SUGCT: variants seen among roughly 807,000 people sequenced by gnomAD.
SUGCT encodes the protein succinyl-CoA:glutarate CoA-transferase.
SUGCT carries 41 observed loss-of-function variants against 55.0 expected under a neutral mutation model. The ratio of observed to expected loss-of-function variants is 0.74; its 90% confidence interval spans 0.58 to 0.97. The LOEUF (loss-of-function observed/expected upper bound fraction) is 0.97, where lower values mean the gene tolerates loss of function less well. Among genes scored for constraint, SUGCT ranks in the 50% least tolerant of loss-of-function variants. The pLI is 0.00. For missense variants in SUGCT, 568 were observed against 547.8 expected (o/e 1.04, Z -0.37); for synonymous variants, 187 against 200.4 (o/e 0.93, Z 0.56).
chr7:40,278,756 C>A (rs926269778), intron 8 of SUGCT, among the ~76,000 whole-genome samples: 2 of 151,582 alleles, frequency 1.3e-5, no homozygotes, highest in South Asian at 4.1e-4. Flanking sequence ...ACCTTCTTCC[C>A]TCTCCCTCCC....
intron 8 of SUGCT, among the ~76,000 whole-genome samples, chr7:40,283,588 A>G: frequency 6.6e-6 from 1 of 152,152 alleles, no homozygotes; most frequent in Non-Finnish European, 1.5e-5. Context: ...AATGTCCAAC[A>G]CTATGAATCA....
chr7:40,163,537 G>A (rs967654049), intron 1 of SUGCT, among the ~76,000 whole-genome samples: 4 of 151,562 alleles, frequency 2.6e-5, no homozygotes, highest in African/African-American at 7.3e-5. Flanking sequence ...CTGTGGAGGC[G>A]GAGGATGCAG....
chr7:40,331,844 C>A (rs1796324950), intron 9 of SUGCT, among the ~76,000 whole-genome samples: 1 of 152,172 alleles, frequency 6.6e-6, no homozygotes, highest in Non-Finnish European at 1.5e-5. Context: ...CACTGAGATT[C>A]TCAATGAAAA....
intron 12 of SUGCT, among the ~76,000 whole-genome samples, chr7:40,542,501 G>C (rs1583939762): frequency 6.6e-6 from 1 of 152,096 alleles, no homozygotes; most frequent in Non-Finnish European, 1.5e-5. Context: ...CACTAGGTAT[G>C]GATTTAATTA....
At chr7:40,792,394 G>C (rs988630063) in intron 13 of SUGCT, among the ~76,000 whole-genome samples, 4 of 152,218 alleles carry the variant, frequency 2.6e-5, no homozygotes, top group Non-Finnish European at 5.9e-5. Context: ...TGCTCACAGG[G>C]TTATTGTCAA....
chr7:40,727,261 T>C (rs928389780), intron 12 of SUGCT, among the ~76,000 whole-genome samples: 12 of 152,348 alleles, frequency 7.9e-5, no homozygotes, highest in Middle Eastern at 3.4e-3. Flanking sequence ...GAAGTTATTC[T>C]TCAGCTTATC....
chr7:40,139,542 C>G (rs528881447), intron 1 of SUGCT, among the ~76,000 whole-genome samples: 1 of 152,238 alleles, frequency 6.6e-6, no homozygotes, highest in Admixed American at 6.5e-5. Flanking sequence ...TTGAAAAATG[C>G]CTACTCATGT....
Position 40,272,087 on chromosome 7 carries a change from C to A in SUGCT, c.577-2426C>A, listed in dbSNP as rs867432370. ...TGTCTCGCTCTCTCTCTCTCTCTCT[C>A]TCTCTCTCTATATATATATATATAT... On this transcript the variant is annotated intron_variant, in intron 7 of 13. Transcript: ENST00000335693. Among the ~76,000 whole-genome samples, 56 of 108,762 alleles carry A rather than the reference C, an allele frequency of 5.1e-4. 1 individual carries two copies. In the Middle Eastern group the frequency reaches 0.015, roughly 29 times the overall value. The allele number at this position is 108,762 out of a possible 152,430, so 71.4% of individuals were successfully genotyped here.
intron 7 of SUGCT, among the ~76,000 whole-genome samples, chr7:40,242,156 C>A (rs1467529739): frequency 6.6e-6 from 1 of 151,196 alleles, no homozygotes; most frequent in Non-Finnish European, 1.5e-5. Flanking sequence ...TATGTTTTGA[C>A]AAACTCTTTT....
At chr7:40,345,952 T>C (rs959680362) in intron 9 of SUGCT, among the ~76,000 whole-genome samples, 2 of 151,772 alleles carry the variant, frequency 1.3e-5, no homozygotes, top group Non-Finnish European at 2.9e-5. Flanking sequence ...TGTTTGTTTT[T>C]GTTTTTTTTT....
rs1447606681 is a variant in SUGCT at position 40,274,622 on chromosome 7, G to A, written c.686G>A (p.Gly229Glu). The change falls in exon 8 of 14, where the codon GGA becomes GAA. Residue 229 changes from glycine to glutamate, a missense_variant. By Grantham distance (98) the Gly-to-Glu change is moderately conservative. Transcript: ENST00000335693. ...GLIQKYKTGK[G>E]LFIDCNLLSS... ...ATACAAAAATACAAAACTGGGAAAG[G>A]ACTGTTCATTGATTGTAACCTACTG... 1.2e-6 allele frequency: 2 copies of A among 1,613,670 alleles called. No individual in the cohort carries two copies. Among genetic ancestry groups the A allele is most frequent in the Non-Finnish European group, 8.5e-7 (1 of 1,179,722 alleles).
At chr7:40,592,517 A>G (rs2079706161) in intron 12 of SUGCT, among the ~76,000 whole-genome samples, 2 of 152,190 alleles carry the variant, frequency 1.3e-5, no homozygotes, top group Non-Finnish European at 2.9e-5. Context: ...GAGGTTGGAA[A>G]CTTCGTATAC....
chr7:40,219,946 T>C (rs538191406), intron 6 of SUGCT, among the ~76,000 whole-genome samples: 1 of 152,302 alleles, frequency 6.6e-6, no homozygotes, highest in East Asian at 1.9e-4. Flanking sequence ...CCCTAATTGC[T>C]GGCTGGTGTT....
intron 7 of SUGCT, among the ~76,000 whole-genome samples, chr7:40,263,413 C>A (rs1191674286): frequency 6.6e-6 from 1 of 152,126 alleles, no homozygotes; most frequent in Non-Finnish European, 1.5e-5. Context: ...TTAATCTGAA[C>A]CTGATCATGA....
At chr7:40,756,389 AT>A (rs1584392581) in intron 13 of SUGCT, among the ~76,000 whole-genome samples, 2 of 152,092 alleles carry the variant, frequency 1.3e-5, no homozygotes, top group African/African-American at 4.8e-5. Context: ...ATAACAATTT[AT>A]TTTACTTATT....
intron 1 of SUGCT, among the ~76,000 whole-genome samples, chr7:40,170,948 G>T (rs1270078151): frequency 6.6e-6 from 1 of 152,078 alleles, no homozygotes; most frequent in Non-Finnish European, 1.5e-5. Flanking sequence ...TTGCCTTTGC[G>T]CTCAGGGGTG....
chr7:40,726,542 T>A (rs1203717), intron 12 of SUGCT, among the ~76,000 whole-genome samples: 1 of 151,926 alleles, frequency 6.6e-6, no homozygotes, highest in Non-Finnish European at 1.5e-5. Flanking sequence ...CCAAGGGTCA[T>A]CTGTATTACC....
rs181094930 is a variant in SUGCT, at chr7:40,233,369, G to A, written c.485-4266G>A. Among the ~76,000 whole-genome samples the A allele has an allele frequency of 6.2e-3, 943 of 152,032 alleles. 9 individuals are homozygous for A. The highest frequency in any genetic ancestry group is 0.022 in the African/African-American group (892 of 41,458). On this transcript the variant is annotated intron_variant, in intron 6 of 13. Transcript: ENST00000335693. ...CAAGTAGCTGGGATTACAGGCATGC[G>A]CCACCATGCCTGGCTAATTTTTTGT...
At chr7:41,015,270 T>C in the SUGCT span, among the ~76,000 whole-genome samples, 1 of 152,212 alleles carries the variant, frequency 6.6e-6, no homozygotes, top group Non-Finnish European at 1.5e-5. Flanking sequence ...CATTGGTTAG[T>C]TGACGGTGGT....
Sources: allele counts gnomAD v4.1 joint callset (sites outside exome capture counted in the v4.1 genomes callset), GRCh38; gene constraint gnomAD v4.1.1; transcripts MANE v1.5; gene names NCBI Gene and HGNC (gene_info 2026-07-23, HGNC 2026-07-21).